Variants in ACYP2 observed in about 807,000 individuals in gnomAD.
The protein encoded by ACYP2 is acylphosphatase 2.
ACYP2 carries 12 observed loss-of-function variants against 11.2 expected under a neutral mutation model. That is an observed-to-expected ratio of 1.08 (90% confidence interval 0.69 to 1.74). The LOEUF (loss-of-function observed/expected upper bound fraction) is 1.74. ACYP2 is among the 40% of genes most tolerant of loss of function. ACYP2 has a pLI of 0.00. For synonymous variants in ACYP2, 43 were observed against 32.2 expected, an observed-to-expected ratio of 1.33 and a Z score of -1.13; for missense variants, 134 against 101.9, an observed-to-expected ratio of 1.31 and a Z score of -1.35.
chr2:53,994,171 A>G (rs2104521484), intron 2 of ACYP2, among the ~76,000 whole-genome samples: 1 of 152,030 alleles, frequency 6.6e-6, no homozygotes, highest in East Asian at 1.9e-4. Flanking sequence ...TCTACTAAAA[A>G]TACAAAAAAT....
At chr2:54,286,776 G>C (rs1370112006) in intron 6 of ACYP2, among the ~76,000 whole-genome samples, 1 of 151,870 alleles carries the variant, frequency 6.6e-6, no homozygotes, top group East Asian at 1.9e-4. Flanking sequence ...TTTTGTGCTG[G>C]TTTGAAAACT....
At chr2:54,203,803 C>CTTTTTTTTTT (rs68041536) in intron 6 of ACYP2, among the ~76,000 whole-genome samples, 1 of 147,830 alleles carries the variant, frequency 6.8e-6, no homozygotes, top group Non-Finnish European at 1.5e-5. Flanking sequence ...CTAATACCCC[C>CTTTTTTTTTT]TTTTTTTTTT....
chr2:54,023,489 G>C (rs1674111030), intron 2 of ACYP2, among the ~76,000 whole-genome samples: 1 of 152,072 alleles, frequency 6.6e-6, no homozygotes, highest in African/African-American at 2.4e-5. Context: ...CAAAGTTTGA[G>C]AATTTCAGGT....
intron 6 of ACYP2, among the ~76,000 whole-genome samples, chr2:54,223,343 GAA>G (rs1394703053): frequency 6.6e-6 from 1 of 152,076 alleles, no homozygotes; most frequent in East Asian, 1.9e-4. Flanking sequence ...ACATAACTAA[GAA>G]AAAGTCTATC....
chr2:54,115,781 G>A (rs762096162), intron 4 of ACYP2, 25 bp downstream of exon 1: 7 of 1,581,046 alleles, frequency 4.4e-6, no homozygotes, highest in Non-Finnish European at 5.2e-6. Flanking sequence ...TACGGTGGGA[G>A]ATCAAAAAGG....
At chr2:54,150,840 C>G (rs1682130239) in intron 6 of ACYP2, among the ~76,000 whole-genome samples, 1 of 150,920 alleles carries the variant, frequency 6.6e-6, no homozygotes, top group Admixed American at 6.6e-5. Flanking sequence ...CTCCCGGGTT[C>G]ATACCATTCT....
intron 2 of ACYP2, among the ~76,000 whole-genome samples, chr2:53,983,223 G>A (rs1017247129): frequency 1.3e-5 from 2 of 152,142 alleles, no homozygotes; most frequent in African/African-American, 4.8e-5. Flanking sequence ...AAGAAAATAG[G>A]CCAGGCACAG....
At chr2:54,094,955 A>G (rs1298685606) in intron 4 of ACYP2, among the ~76,000 whole-genome samples, 6 of 151,152 alleles carry the variant, frequency 4.0e-5, no homozygotes, top group Admixed American at 6.6e-5. Context: ...GCAGGGTCAT[A>G]GGACAATAGT....
chr2:54,302,428 G>C (rs1469494771), intron 6 of ACYP2, among the ~76,000 whole-genome samples: 2 of 152,062 alleles, frequency 1.3e-5, no homozygotes, highest in African/African-American at 2.4e-5. Flanking sequence ...TACCTCACTG[G>C]ATGCTTCCTT....
intron 2 of ACYP2, among the ~76,000 whole-genome samples, chr2:53,995,790 G>C (rs565381440): frequency 6.6e-6 from 1 of 152,036 alleles, no homozygotes; most frequent in Admixed American, 6.6e-5. Flanking sequence ...AAATTTTGTA[G>C]GGTGTAACTT....
intron 6 of ACYP2, among the ~76,000 whole-genome samples, chr2:54,174,617 A>C (rs1232814405): frequency 5.3e-5 from 8 of 152,122 alleles, no homozygotes; most frequent in Non-Finnish European, 1.0e-4. Context: ...TTCAAAGGGA[A>C]TGCTTCCAGT....
chr2:54,120,896 G>T (rs1680112797), intron 4 of ACYP2, among the ~76,000 whole-genome samples: 1 of 152,168 alleles, frequency 6.6e-6, no homozygotes, highest in Non-Finnish European at 1.5e-5. Flanking sequence ...CCTGAGGCCT[G>T]AGCCTCCAGA....
At chr2:53,972,973 T>C (rs1162931918) in intron 1 of ACYP2, among the ~76,000 whole-genome samples, 5 of 151,972 alleles carry the variant, frequency 3.3e-5, no homozygotes. Flanking sequence ...AAATATACAG[T>C]ATGAAAAAAT....
intron 6 of ACYP2, among the ~76,000 whole-genome samples, chr2:54,209,612 T>C (rs1405923665): frequency 2.0e-5 from 3 of 152,200 alleles, no homozygotes; most frequent in Admixed American, 6.5e-5. Context: ...CGCTTCTCAG[T>C]TGTAACAGGT....
At chr2:54,266,321 T>A (rs1216207193) in intron 6 of ACYP2, among the ~76,000 whole-genome samples, 1 of 152,158 alleles carries the variant, frequency 6.6e-6, no homozygotes, top group Non-Finnish European at 1.5e-5. Context: ...TTCAAAAATA[T>A]AAGTATATGA....
chr2:54,152,594 T>C (rs1046590174), intron 6 of ACYP2, among the ~76,000 whole-genome samples: 5 of 152,230 alleles, frequency 3.3e-5, no homozygotes, highest in Non-Finnish European at 5.9e-5. Flanking sequence ...CTGATGTCTT[T>C]ACTGTCTCCC....
At chr2:54,233,015 A>C (rs1164950031) in intron 6 of ACYP2, among the ~76,000 whole-genome samples, 1 of 152,072 alleles carries the variant, frequency 6.6e-6, no homozygotes, top group Non-Finnish European at 1.5e-5. Flanking sequence ...TTTTTTTATC[A>C]GTTTAAGGAA....
chr2:54,077,968 C>G (rs986640018), intron 4 of ACYP2, among the ~76,000 whole-genome samples: 1 of 137,864 alleles, frequency 7.3e-6, no homozygotes, highest in Non-Finnish European at 1.6e-5. Context: ...TCTTTTCTTT[C>G]TTTCTTTTTT....
intron 4 of ACYP2, among the ~76,000 whole-genome samples, chr2:54,088,336 G>A (rs528920071): frequency 1.3e-5 from 2 of 152,168 alleles, no homozygotes; most frequent in South Asian, 2.1e-4. Context: ...CAAGAAGCAG[G>A]AGGCAAGCTG....
Sources: allele counts gnomAD v4.1 joint callset (sites outside exome capture counted in the v4.1 genomes callset), GRCh38; gene constraint gnomAD v4.1.1; transcripts MANE v1.5; gene names NCBI Gene and HGNC (gene_info 2026-07-23, HGNC 2026-07-21).